Variants in CCDC60 observed in about 807,000 individuals in gnomAD.
CCDC60 encodes coiled-coil domain-containing protein 60.
In CCDC60, 54 loss-of-function variants were observed where a neutral mutation model predicts 63.5. The ratio of observed to expected loss-of-function variants is 0.85; its 90% CI spans 0.68 to 1.07. The LOEUF (loss-of-function observed/expected upper bound fraction) is 1.07. Among genes scored for constraint, CCDC60 ranks in the 50% least tolerant of loss-of-function variants. The pLI is 0.00. For synonymous variants in CCDC60, 206 were observed against 238.8 expected, an observed-to-expected ratio of 0.86 and a Z score of 1.27; for missense variants, 651 against 684.3, an observed-to-expected ratio of 0.95 and a Z score of 0.54.
intron 2 of CCDC60, among the ~76,000 whole-genome samples, chr12:119,459,143 T>C (rs1164814192): frequency 6.6e-6 from 1 of 152,238 alleles, no homozygotes; most frequent in Non-Finnish European, 1.5e-5. Flanking sequence ...ACTAGCCTTC[T>C]AGTAAAGCCA....
At chr12:119,474,507 A>T (rs1372016760) in intron 3 of CCDC60, among the ~76,000 whole-genome samples, 2 of 152,144 alleles carry the variant, frequency 1.3e-5, no homozygotes, top group African/African-American at 4.8e-5. Flanking sequence ...GTTCATCCTA[A>T]ACAGAGAGCA....
At chr12:119,429,430 A>C (rs928381068) in intron 2 of CCDC60, 1 of 152,198 alleles carries the variant, frequency 6.6e-6, no homozygotes, top group Non-Finnish European at 1.5e-5. Context: ...GTAGGATCCT[A>C]AAATGAGACT....
chr12:119,430,271 C>T (rs1950205028), intron 2 of CCDC60, among the ~76,000 whole-genome samples: 3 of 151,860 alleles, frequency 2.0e-5, no homozygotes, highest in Admixed American at 6.6e-5. Context: ...GAGATACAAC[C>T]GTTAAAGAAA....
intron 7 of CCDC60, among the ~76,000 whole-genome samples, chr12:119,514,336 C>A (rs1191442353): frequency 5.2e-5 from 7 of 135,874 alleles, no homozygotes; most frequent in African/African-American, 2.0e-4. Flanking sequence ...GCCACCACAT[C>A]TGGCTATTTT....
intron 1 of CCDC60, among the ~76,000 whole-genome samples, chr12:119,408,217 T>C (rs571938897): frequency 3.9e-5 from 6 of 152,350 alleles, no homozygotes; most frequent in African/African-American, 1.4e-4. Context: ...TGTATAGCTG[T>C]ATTTCAGTTA....
chr12:119,416,325 G>A (rs1215080746), intron 1 of CCDC60, among the ~76,000 whole-genome samples: 1 of 150,810 alleles, frequency 6.6e-6, no homozygotes, highest in African/African-American at 2.4e-5. Context: ...GTTACAGTGA[G>A]CCGAGATCAC....
At chr12:119,436,069 C>T (rs1190496833) in intron 2 of CCDC60, among the ~76,000 whole-genome samples, 1 of 152,168 alleles carries the variant, frequency 6.6e-6, no homozygotes, top group African/African-American at 2.4e-5. Context: ...CAAAATGTCA[C>T]TTCTGCCATA....
intron 1 of CCDC60, among the ~76,000 whole-genome samples, chr12:119,421,031 C>T (rs778571960): frequency 6.6e-6 from 1 of 150,900 alleles, no homozygotes; most frequent in African/African-American, 2.5e-5. Context: ...GCTGTCTTTT[C>T]AGCCTCCCTT....
intron 1 of CCDC60, among the ~76,000 whole-genome samples, chr12:119,418,476 G>A (rs1159278007): frequency 4.0e-5 from 5 of 124,262 alleles, no homozygotes; most frequent in South Asian, 5.6e-4. Flanking sequence ...GTGCAGTGGC[G>A]CAATCTCAGT....
chr12:119,497,416 CT>C (rs1951738793), intron 5 of CCDC60, among the ~76,000 whole-genome samples: 1 of 152,190 alleles, frequency 6.6e-6, no homozygotes, highest in Non-Finnish European at 1.5e-5. Context: ...CTAACCAGGC[CT>C]TTTCTTTATC....
At chr12:119,382,722 G>A (rs1344168263) in intron 1 of CCDC60, among the ~76,000 whole-genome samples, 6 of 152,226 alleles carry the variant, frequency 3.9e-5, no homozygotes. Flanking sequence ...AGTCTGTTAT[G>A]AGGAATTTTG....
At chr12:119,472,259 A>T in intron 3 of CCDC60, 95 bp downstream of exon 3, 1 of 1,159,840 alleles carries the variant, frequency 8.6e-7, no homozygotes, top group East Asian at 2.3e-5. Flanking sequence ...CAGCTATCTC[A>T]GAGCACGTGC....
rs546479652 is a variant in CCDC60, at chr12:119,423,165, C to T, written c.91-5518C>T. Among the ~76,000 whole-genome samples the T allele has an allele frequency of 1.7e-3, 263 of 152,124 alleles. 1 individual carries two copies. The highest frequency in any genetic ancestry group is 5.9e-3 in the African/African-American group (246 of 41,496). On this transcript the variant is annotated intron_variant, in intron 1 of 13. Coordinates refer to ENST00000327554, the MANE Select transcript of CCDC60 (RefSeq NM_178499.5). ...AGGAGGGTTCTGAATACCCTAGAAT[C>T]GTGATTTATGACAATTTTTGGGGGG...
intron 1 of CCDC60, among the ~76,000 whole-genome samples, chr12:119,339,545 G>T (rs374632215): frequency 2.6e-5 from 4 of 152,146 alleles, no homozygotes; most frequent in East Asian, 1.9e-4. Context: ...AACACTTTGG[G>T]GGGGGCCGAG....
chr12:119,493,365 C>T (rs116709043), intron 5 of CCDC60, among the ~76,000 whole-genome samples: 2,813 of 152,132 alleles, frequency 0.018, 91 homozygotes, highest in African/African-American at 0.064. Flanking sequence ...TTTCTACAGG[C>T]AGCAAAATTT....
chr12:119,364,652 G>A (rs1955822692), intron 1 of CCDC60, among the ~76,000 whole-genome samples: 1 of 152,246 alleles, frequency 6.6e-6, no homozygotes, highest in South Asian at 2.1e-4. Context: ...TCTTTTAAAA[G>A]TCTGAGAAGA....
intron 2 of CCDC60, among the ~76,000 whole-genome samples, chr12:119,441,792 T>C (rs1593092916): frequency 1.3e-5 from 2 of 152,236 alleles, no homozygotes; most frequent in South Asian, 2.1e-4. Context: ...CACTCTAGCA[T>C]TGATGGACAT....
chr12:119,531,007 C>A lies in CCDC60; in HGVS notation c.1495C>A (p.Leu499Met). 6.2e-7 allele frequency: 1 copy of A among 1,614,148 alleles called. No homozygotes were observed. The highest frequency in any genetic ancestry group is 8.5e-7 in the Non-Finnish European group (1 of 1,179,998). ...RIRPHVLLKV[L>M]QDLRIWELCS... ...TCGACCCCATGTCCTCCTGAAGGTG[C>A]TGCAGGATCTGAGGATTTGGGAACT... Residue 499 changes from leucine (L) to methionine (M), a missense_variant, in exon 13 of 14, where the codon CTG becomes ATG. Coordinates refer to ENST00000327554, the MANE Select transcript of CCDC60 (RefSeq NM_178499.5).
chr12:119,520,552 T>G (rs1952497573), intron 9 of CCDC60, among the ~76,000 whole-genome samples: 2 of 150,544 alleles, frequency 1.3e-5, no homozygotes, highest in Admixed American at 6.6e-5. Flanking sequence ...CTTTTTTTTT[T>G]TTTTTTTGAG....
Sources: gnomAD v4.1 joint callset for allele counts (sites outside exome capture counted in the v4.1 genomes callset) on GRCh38, gnomAD v4.1.1 for gene constraint, MANE v1.5 for transcripts, NCBI Gene and HGNC (gene_info 2026-07-23, HGNC 2026-07-21) for gene names.